Variants in ASAH2 observed in about 807,000 individuals in gnomAD.
ASAH2 encodes N-acylsphingosine amidohydrolase 2.
A neutral mutation model predicts 82.9 loss-of-function variants in ASAH2; 58 were observed. The observed-to-expected ratio is 0.70, with a 90% CI of 0.57 to 0.87. ASAH2 has a LOEUF of 0.87. Ranked by LOEUF, ASAH2 falls within the 40% of genes least tolerant of loss-of-function variation. The probability of loss-of-function intolerance (pLI) is 0.00; values close to 1 mark genes in which losing one functional copy is unlikely to be tolerated. For synonymous variants in ASAH2, 276 were observed against 289.7 expected, an observed-to-expected ratio of 0.95 and a Z score of 0.48; for missense variants, 779 against 834.0, an observed-to-expected ratio of 0.93 and a Z score of 0.81.
intron 2 of ASAH2, among the ~76,000 whole-genome samples, chr10:50,246,069 TGTGTATGTATTTA>T (rs1846448850): frequency 4.6e-5 from 7 of 152,236 alleles, no homozygotes; most frequent in Admixed American, 4.6e-4. Flanking sequence ...CATATCTTTA[TGTGTATGTATTTA>T]TACACATATA....
intron 12 of ASAH2, among the ~76,000 whole-genome samples, chr10:50,208,757 A>G (rs1038191158): frequency 3.3e-5 from 5 of 152,178 alleles, no homozygotes; most frequent in African/African-American, 7.2e-5. Flanking sequence ...TGTAAATTCA[A>G]TGATATTCCC....
rs1370881909 is a variant in ASAH2, at chr10:50,187,118, T to TCTCTCTCA, written c.*196_*197insTGAGAGAG. ...CTCTCTCTCTCTCTCTCTCTCTCTC[T>TCTCTCTCA]CACACACACACACACACACACACAC... On this transcript the variant is annotated 3_prime_UTR_variant, in exon 21 of 21. Transcript: ENST00000682911. The TCTCTCTCA allele has an allele frequency of 6.4e-5, 10 of 157,426 alleles. No homozygotes were observed. The highest frequency in any genetic ancestry group is 3.8e-4 in the African/African-American group (7 of 18,540). 9.8% of individuals were successfully genotyped at this position (157,426 alleles called of 1,614,324 possible).
At chr10:50,220,563 A>G (rs1564842032) in intron 7 of ASAH2, among the ~76,000 whole-genome samples, 1 of 152,264 alleles carries the variant, frequency 6.6e-6, no homozygotes, top group Admixed American at 6.5e-5. Flanking sequence ...GTTCTCACTT[A>G]TAAGTGGGAA....
rs879030936 is a variant in ASAH2 at position 50,185,156 on chromosome 10, C to G, written c.*2159G>C. The G allele has an allele frequency of 1.7e-4, 25 of 151,224 alleles. No homozygotes were observed. The East Asian group carries it at 4.9e-3, about 29-fold the overall frequency. The allele number at this position is 151,224 out of a possible 1,614,324, so 9.4% of individuals were successfully genotyped here. ...TGGTTTGGCTCCAGTGAGCCAGTCC[C>G]TGCAGCATCCACAGACATGAATTGG... On this transcript the variant is annotated 3_prime_UTR_variant, in exon 21 of 21. Coordinates refer to ENST00000682911, the MANE Select transcript of ASAH2 (RefSeq NM_019893.4).
At position 50,234,675 on chromosome 10, in the gene ASAH2, C is replaced by T. The variant is rs572514120; in HGVS notation, c.688-123G>A. The T allele has an allele frequency of 1.0e-4, 138 of 1,364,020 alleles. No individual in the cohort carries two copies. The African/African-American group carries it at 1.1e-3, about 11-fold the overall frequency. 84.5% of individuals were successfully genotyped at this position (1,364,020 alleles called of 1,614,324 possible). A position where few individuals can be genotyped will look rare whatever the true frequency, so the allele number is the denominator to read the frequency against. On this transcript the variant is annotated intron_variant, in intron 5 of 20. Transcript: ENST00000682911. ...CTTTGTCTCTAATGGGTCCACATTA[C>T]GGGATAAAAGCTGGAGAACCACATC...
chr10:50,235,997 G>A lies in ASAH2; in HGVS notation c.578C>T (p.Thr193Ile). Reference sequence around the variant, plus strand: ...TCCTGCAGGACCTGAATGAGTGTGAGTGCCACTCAGGATGACATTATCTCT... The same window carrying A: ...TCCTGCAGGACCTGAATGAGTGTGAATGCCACTCAGGATGACATTATCTCT... Reference protein sequence around the residue: ...YRRDNVILSGTHTHSGPAGYF... With the variant: ...YRRDNVILSGIHTHSGPAGYF... Residue 193 changes from threonine to isoleucine, a missense_variant, in exon 5 of 21, where the codon ACT becomes ATT. This residue lies in a region of ASAH2 where 759 missense variants were observed against 755.2 expected (regional missense o/e 1.00). Coordinates refer to ENST00000682911, the MANE Select transcript of ASAH2 (RefSeq NM_019893.4). 2 of 1,612,860 alleles carry A rather than the reference G, an allele frequency of 1.2e-6. No homozygotes were observed. The highest frequency in any genetic ancestry group is 1.7e-6 in the Non-Finnish European group (2 of 1,179,030).
In ASAH2 at chr10:50,236,030, A is replaced by C; in HGVS notation, c.545T>G (p.Leu182Arg). Residue 182 changes from leucine (L) to arginine (R), a missense_variant, in exon 5 of 21, where the codon CTG becomes CGG. Leu to Arg is a moderately radical substitution (Grantham distance 102, BLOSUM62 -2). Coordinates refer to ENST00000682911, the MANE Select transcript of ASAH2 (RefSeq NM_019893.4). ...LNRLQSKYGS[L>R]YRRDNVILSG... ...CAGGATGACATTATCTCTTCTGTAC[A>C]GGGAGCCATATTTACTCTGCAGTCT... 1 of 1,613,320 alleles carries C rather than the reference A, an allele frequency of 6.2e-7. No homozygotes were observed. The highest frequency in any genetic ancestry group is 8.5e-7 in the Non-Finnish European group (1 of 1,179,404).
intron 7 of ASAH2, among the ~76,000 whole-genome samples, chr10:50,222,804 T>A (rs1433688626): frequency 6.6e-6 from 1 of 152,162 alleles, no homozygotes; most frequent in Non-Finnish European, 1.5e-5. Context: ...TATAAAGATA[T>A]GCAGAAAGGT....
chr10:50,249,803 G>T (rs551105408), intron 1 of ASAH2, among the ~76,000 whole-genome samples: 19 of 152,276 alleles, frequency 1.2e-4, no homozygotes, highest in African/African-American at 4.3e-4. Context: ...AGGATGATTG[G>T]AATCACAGGT....
chr10:50,187,084 CCT>C lies in ASAH2; in HGVS notation c.*229_*230del, dbSNP rs1554902359. 4.4e-3 allele frequency: 805 copies of C among 183,040 alleles called. 9 individuals carry two copies. The highest frequency in any genetic ancestry group is 0.014 in the African/African-American group (308 of 22,220). 11.3% of individuals were successfully genotyped at this position (183,040 alleles called of 1,614,324 possible). A position where few individuals can be genotyped will look rare whatever the true frequency, so the allele number is the denominator to read the frequency against. On this transcript the variant is annotated 3_prime_UTR_variant, in exon 21 of 21. Coordinates refer to ENST00000682911, the MANE Select transcript of ASAH2 (RefSeq NM_019893.4). ...GCTGGAGCAAGATATATGGGACAAACCTCTCTCTCTCTCTCTCTCTCTCTCTC... is the reference window on the plus strand; with the variant it reads ...GCTGGAGCAAGATATATGGGACAAACCTCTCTCTCTCTCTCTCTCTCTCTC...
intron 3 of ASAH2, among the ~76,000 whole-genome samples, chr10:50,243,930 G>A (rs1846375658): frequency 1.3e-5 from 2 of 152,180 alleles, no homozygotes; most frequent in South Asian, 2.1e-4. Context: ...CCTGTCGTGG[G>A]TGCAACAGGC....
chr10:50,212,885 A>T (rs1845495432), intron 10 of ASAH2, 87 bp downstream of exon 10: 1 of 1,299,306 alleles, frequency 7.7e-7, no homozygotes, highest in Non-Finnish European at 1.1e-6. Context: ...TGTTTTCTTT[A>T]AGTATTCAAC....
At chr10:50,195,736 T>C (rs1277787017) in intron 18 of ASAH2, among the ~76,000 whole-genome samples, 2 of 151,818 alleles carry the variant, frequency 1.3e-5, no homozygotes, top group Admixed American at 1.3e-4. Flanking sequence ...GATCCTTACA[T>C]TTGATACAAC....
intron 7 of ASAH2, among the ~76,000 whole-genome samples, chr10:50,228,273 GA>G (rs1412388642): frequency 1.3e-5 from 2 of 152,028 alleles, no homozygotes; most frequent in South Asian, 2.1e-4. Context: ...AAGATGAGAT[GA>G]AAAAAAGAGA....
chr10:50,220,640 G>A (rs1426482541), intron 7 of ASAH2, among the ~76,000 whole-genome samples: 1 of 151,958 alleles, frequency 6.6e-6, no homozygotes, highest in African/African-American at 2.4e-5. Flanking sequence ...GTGGAAGGAG[G>A]GAGAAGATTA....
chr10:50,234,337 TA>T lies in ASAH2; in HGVS notation c.815+87del, dbSNP rs34162271. ...GTAATACTCTCTTGGGACCTCACCA[TA>T]TTCATCAAGTAACAGCCCTGTACTT... is the stretch of plus-strand genomic sequence containing the variant. On this transcript the variant is annotated intron_variant, in intron 6 of 20. Transcript: ENST00000682911. The T allele has an allele frequency of 8.4e-3, 13,259 of 1,572,342 alleles. 68 individuals are homozygous for T. The highest frequency in any genetic ancestry group is 0.01 in the Non-Finnish European group (11,795 of 1,142,516).
In ASAH2 at chr10:50,240,560, A is replaced by C. The variant is rs1453594640; in HGVS notation, c.510+2642T>G. Reference sequence around the variant, plus strand: ...TCTCAGAGTCCATATCACCCACAGAATTAAAAACAAGCTGGCATCTCAAGG... The same window carrying C: ...TCTCAGAGTCCATATCACCCACAGACTTAAAAACAAGCTGGCATCTCAAGG... On this transcript the variant is annotated intron_variant, in intron 4 of 20. Coordinates refer to ENST00000682911, the MANE Select transcript of ASAH2 (RefSeq NM_019893.4). 2.0e-4 allele frequency: 142 copies of C among 702,258 alleles called. No homozygotes were observed. The Admixed American group carries it at 2.8e-3, about 14-fold the overall frequency. 43.5% of individuals were successfully genotyped at this position (702,258 alleles called of 1,614,324 possible).
At chr10:50,233,062 C>A in intron 7 of ASAH2, 122 bp downstream of exon 7, 1 of 851,444 alleles carries the variant, frequency 1.2e-6, no homozygotes, top group Non-Finnish European at 2.0e-6. Flanking sequence ...ACTTCAGAAC[C>A]TGGACTCTTA....
chr10:50,206,164 C>A, intron 12 of ASAH2, 67 bp from the exon 13 acceptor site: 1 of 1,081,748 alleles, frequency 9.2e-7, no homozygotes, highest in Non-Finnish European at 1.4e-6. Flanking sequence ...ATTATCTTGA[C>A]AAATATTGTA....
Sources: allele counts gnomAD v4.1 joint callset (sites outside exome capture counted in the v4.1 genomes callset), GRCh38; gene constraint gnomAD v4.1.1; regional missense constraint gnomAD v4.1.1; transcripts MANE v1.5; gene names NCBI Gene and HGNC (gene_info 2026-07-23, HGNC 2026-07-21).